PLB1: variants seen among roughly 807,000 people sequenced by gnomAD.
PLB1 encodes phospholipase B1.
PLB1 carries 242 observed loss-of-function variants against 227.4 expected under a neutral mutation model. The ratio of observed to expected loss-of-function variants is 1.06; its 90% confidence interval spans 0.96 to 1.18. PLB1 has a LOEUF of 1.18. Ranked by LOEUF, PLB1 falls within the 50% of genes most tolerant of loss-of-function variation. The pLI is 0.00. For missense variants in PLB1, 1,858 were observed against 1,816.3 expected (o/e 1.02, Z -0.42); for synonymous variants, 757 against 682.2 (o/e 1.11, Z -1.71).
chr2:28,544,697 T>A (rs367860941), intron 14 of PLB1, among the ~76,000 whole-genome samples: 1 of 151,228 alleles, frequency 6.6e-6, no homozygotes, highest in Non-Finnish European at 1.5e-5. Context: ...GGAGAGCCCA[T>A]GAAGAGGGGA....
intron 9 of PLB1, among the ~76,000 whole-genome samples, chr2:28,535,984 T>G (rs1671631474): frequency 6.6e-6 from 1 of 152,148 alleles, no homozygotes; most frequent in South Asian, 2.1e-4. Context: ...GATCCCTCTG[T>G]GGGCATATGT....
At chr2:28,496,988 C>G (rs1219548860) in intron 1 of PLB1, among the ~76,000 whole-genome samples, 5 of 152,198 alleles carry the variant, frequency 3.3e-5, no homozygotes, top group African/African-American at 4.8e-5. Context: ...CTTGAGGCTT[C>G]TCTGGGGCAA....
intron 26 of PLB1, among the ~76,000 whole-genome samples, chr2:28,587,167 G>T (rs1681038952): frequency 6.6e-6 from 1 of 152,180 alleles, no homozygotes; most frequent in African/African-American, 2.4e-5. Flanking sequence ...TTCAATTGGG[G>T]TTACTGGGTG....
rs57787583 is a variant in PLB1, at chr2:28,567,469, C to CTTTTTTTTTTTTTT, written c.1324+638_1324+651dup. On this transcript the variant is annotated intron_variant, in intron 20 of 57. Coordinates refer to ENST00000327757, the MANE Select transcript of PLB1 (RefSeq NM_153021.5). ...AACCTGCTCGGAATGATTTCTTTCT[C>CTTTTTTTTTTTTTT]TTTTTTTTTTTTTTTTTTTTTGAGA... Among the ~76,000 whole-genome samples the CTTTTTTTTTTTTTT allele has an allele frequency of 4.6e-5, 5 of 108,070 alleles. 1 individual carries two copies. Among genetic ancestry groups the CTTTTTTTTTTTTTT allele is most frequent in the African/African-American group, 2.0e-4 (5 of 24,766 alleles). The allele number at this position is 108,070 out of a possible 152,430, so 70.9% of individuals were successfully genotyped here. A position where few individuals can be genotyped will look rare whatever the true frequency, so the allele number is the denominator to read the frequency against.
intron 44 of PLB1, among the ~76,000 whole-genome samples, chr2:28,615,868 G>T (rs1686132094): frequency 6.6e-6 from 1 of 152,206 alleles, no homozygotes; most frequent in Admixed American, 6.5e-5. Flanking sequence ...GCGTGTGTTT[G>T]TTTTAACAGC....
At position 28,517,011 on chromosome 2, in the gene PLB1, C is replaced by T. The variant is rs61344340; in HGVS notation, c.117+142C>T. The T allele has an allele frequency of 2.8e-3, 2,113 of 767,822 alleles. 42 individuals are homozygous for T. In the African/African-American group the frequency reaches 0.033, roughly 12 times the overall value. The allele number at this position is 767,822 out of a possible 1,614,324, so 47.6% of individuals were successfully genotyped here. A position where few individuals can be genotyped will look rare whatever the true frequency, so the allele number is the denominator to read the frequency against. On this transcript the variant is annotated intron_variant, in intron 2 of 57. Coordinates refer to ENST00000327757, the MANE Select transcript of PLB1 (RefSeq NM_153021.5). ...AGGGAATGGGCTGGATGAACCGCTT[C>T]CCCCATGGACAGCCGGGGTGTCCGG...
rs184408507 is a variant in PLB1, at chr2:28,574,622, C to G, written c.1433+1317C>G. ...ATGTTGGCCAGGCTGGTCTTGAACT[C>G]CTGACCTCAAGTAATCTGCCTGCCT... On this transcript the variant is annotated intron_variant, in intron 21 of 57. Transcript: ENST00000327757. Among the ~76,000 whole-genome samples the G allele has an allele frequency of 3.0e-3, 439 of 148,396 alleles. 4 individuals carry two copies. Among genetic ancestry groups the G allele is most frequent in the African/African-American group, 0.011 (428 of 40,214 alleles).
At chr2:28,581,490 T>A (rs201173898) in intron 23 of PLB1, among the ~76,000 whole-genome samples, 4,248 of 12,430 alleles carry the variant, frequency 0.34, 454 homozygotes, top group African/African-American at 0.49. Context: ...CGCAAAAAAA[T>A]AAATAAATAA....
intron 9 of PLB1, among the ~76,000 whole-genome samples, chr2:28,537,290 C>T (rs1158515284): frequency 1.3e-5 from 2 of 152,154 alleles, no homozygotes; most frequent in African/African-American, 4.8e-5. Context: ...CTTGGCCTTC[C>T]TTGTCTTCCT....
At chr2:28,596,661 T>C (rs1420494314) in intron 33 of PLB1, among the ~76,000 whole-genome samples, 1 of 152,220 alleles carries the variant, frequency 6.6e-6, no homozygotes, top group Non-Finnish European at 1.5e-5. Context: ...AAGCAACAGC[T>C]TCATGCAGAG....
At chr2:28,609,964 A>T (rs1685211245) in intron 43 of PLB1, among the ~76,000 whole-genome samples, 1 of 152,166 alleles carries the variant, frequency 6.6e-6, no homozygotes, top group Non-Finnish European at 1.5e-5. Context: ...AGACTTATGT[A>T]ATCTTAGGTT....
intron 13 of PLB1, 141 bp downstream of exon 13, chr2:28,541,952 G>T: frequency 1.5e-6 from 1 of 658,178 alleles, no homozygotes; most frequent in Non-Finnish European, 2.6e-6. Flanking sequence ...AGCCAACATG[G>T]TGAAACCCTG....
At chr2:28,549,594 T>C (rs1356457828) in intron 15 of PLB1, among the ~76,000 whole-genome samples, 1 of 152,082 alleles carries the variant, frequency 6.6e-6, no homozygotes, top group Non-Finnish European at 1.5e-5. Context: ...TTTTTTGTAT[T>C]TTTAGTCTTT....
intron 51 of PLB1, 143 bp from the exon 52 acceptor site, chr2:28,628,420 G>T: frequency 1.5e-6 from 1 of 675,538 alleles, no homozygotes; most frequent in Non-Finnish European, 2.7e-6. Context: ...ACAAGAACTG[G>T]GCTTCTCAGT....
At chr2:28,626,370 G>C in intron 50 of PLB1, 58 bp from the exon 51 acceptor site, 1 of 1,471,398 alleles carries the variant, frequency 6.8e-7, no homozygotes. Context: ...TGGCCCAGTA[G>C]CAACATTTGT....
chr2:28,567,577 G>A (rs951595201), intron 20 of PLB1, among the ~76,000 whole-genome samples: 4 of 143,856 alleles, frequency 2.8e-5, no homozygotes, highest in African/African-American at 1.1e-4. Flanking sequence ...TGGTTCAAGC[G>A]ATTCTCCTGC....
chr2:28,531,912 A>G, intron 8 of PLB1, among the ~76,000 whole-genome samples, 196 bp from the exon 9 acceptor site: 1 of 152,200 alleles, frequency 6.6e-6, no homozygotes, highest in East Asian at 1.9e-4. Flanking sequence ...ATTAAAAAAA[A>G]AGTTTTGGAT....
Position 28,524,815 on chromosome 2 carries a change from C to G in PLB1, c.244-452C>G, listed in dbSNP as rs114518915. On this transcript the variant is annotated intron_variant, in intron 4 of 57. Coordinates refer to ENST00000327757, the MANE Select transcript of PLB1 (RefSeq NM_153021.5). Reference sequence around the variant, plus strand: ...TCCTCCCTGCAGAAGGAGCCTTCATCTTTCTCTGTAGGTTCTCTCTCTCTC... The same window carrying G: ...TCCTCCCTGCAGAAGGAGCCTTCATGTTTCTCTGTAGGTTCTCTCTCTCTC... 7.6e-3 allele frequency among the ~76,000 whole-genome samples: 1,110 copies of G among 145,176 alleles called. 14 individuals carry two copies. The highest frequency in any genetic ancestry group is 0.026 in the African/African-American group (1,031 of 39,080).
intron 21 of PLB1, among the ~76,000 whole-genome samples, chr2:28,576,773 C>G (rs1679027331): frequency 1.3e-5 from 2 of 152,182 alleles, no homozygotes; most frequent in Admixed American, 6.5e-5. Flanking sequence ...TCCTCAAACT[C>G]TGTTCCATCG....
Sources: allele counts gnomAD v4.1 joint callset (sites outside exome capture counted in the v4.1 genomes callset), GRCh38; gene constraint gnomAD v4.1.1; transcripts MANE v1.5; gene names NCBI Gene and HGNC (gene_info 2026-07-23, HGNC 2026-07-21).